The following NPR3 variants were observed in gnomAD, a reference collection of about 807,000 sequenced individuals.
NPR3 encodes natriuretic peptide receptor 3.
A neutral mutation model predicts 54.5 loss-of-function variants in NPR3; 34 were observed. The ratio of observed to expected loss-of-function variants is 0.62; its 90% CI spans 0.47 to 0.83. The LOEUF (loss-of-function observed/expected upper bound fraction) is 0.83, where lower values mean the gene tolerates loss of function less well. Among genes scored for constraint, NPR3 ranks in the 40% least tolerant of loss-of-function variants. NPR3 has a pLI of 0.00. For synonymous variants in NPR3, 289 were observed against 297.1 expected (o/e 0.97, Z 0.28); for missense variants, 674 against 720.8 (o/e 0.94, Z 0.74).
intron 2 of NPR3, among the ~76,000 whole-genome samples, chr5:32,732,859 T>C (rs1739536386): frequency 6.6e-6 from 1 of 152,176 alleles, no homozygotes; most frequent in South Asian, 2.1e-4. Flanking sequence ...ATTTCATTTT[T>C]TTGAGACAGA....
At chr5:32,742,739 G>A (rs865897090) in intron 3 of NPR3, among the ~76,000 whole-genome samples, 12 of 152,078 alleles carry the variant, frequency 7.9e-5, no homozygotes, top group African/African-American at 2.9e-4. Flanking sequence ...TTATTAGACT[G>A]TGGCAGTTCC....
chr5:32,705,974 G>C (rs1737973436), upstream of NPR3, among the ~76,000 whole-genome samples: 1 of 152,206 alleles, frequency 6.6e-6, no homozygotes, highest in South Asian at 2.1e-4. Flanking sequence ...GCATTTATTT[G>C]GAGAATTGTC....
At chr5:32,783,114 C>T (rs572009339) in intron 6 of NPR3, 86 bp downstream of exon 6, 224 of 1,307,550 alleles carry the variant, frequency 1.7e-4, no homozygotes, top group Non-Finnish European at 2.1e-4. Flanking sequence ...GTTTCTAGGG[C>T]CTTACATTTT....
intron 2 of NPR3, among the ~76,000 whole-genome samples, chr5:32,732,026 G>T (rs1014976536): frequency 1.6e-4 from 25 of 151,946 alleles, no homozygotes; most frequent in Non-Finnish European, 1.3e-4. Context: ...TGGATCATGA[G>T]GTCAGGAGAT....
rs540417492 is a variant in NPR3 at position 32,752,029 on chromosome 5, C to T, written c.1059+12999C>T. On this transcript the variant is annotated intron_variant, in intron 3 of 7. Transcript: ENST00000265074. ...CCAGCCTGGCCAACATAGTGAAACC[C>T]CGTCTCTACTAAAAATACAAAAAAG... Among the ~76,000 whole-genome samples the T allele has an allele frequency of 2.2e-3, 331 of 152,024 alleles. 3 individuals carry two copies. Among genetic ancestry groups the T allele is most frequent in the African/African-American group, 7.5e-3 (310 of 41,448 alleles).
chr5:32,783,301 A>G (rs897128323), intron 6 of NPR3: 8 of 311,366 alleles, frequency 2.6e-5, no homozygotes, highest in African/African-American at 1.5e-4. Flanking sequence ...ACTTTTAGAG[A>G]AAATCAAAAT....
chr5:32,726,102 A>G (rs1739124417), intron 2 of NPR3, among the ~76,000 whole-genome samples: 1 of 152,216 alleles, frequency 6.6e-6, no homozygotes, highest in Non-Finnish European at 1.5e-5. Flanking sequence ...CTGGCTGCTC[A>G]GAGCGGAGCA....
At chr5:32,699,646 T>C (rs1740617769) in intron 1 of NPR3, among the ~76,000 whole-genome samples, 2 of 152,264 alleles carry the variant, frequency 1.3e-5, no homozygotes, top group African/African-American at 4.8e-5. Flanking sequence ...GTATTGTGTA[T>C]GTCTTGAAAA....
intron 1 of NPR3, among the ~76,000 whole-genome samples, chr5:32,703,022 G>C (rs1179224699): frequency 1.3e-5 from 2 of 152,144 alleles, no homozygotes; most frequent in Non-Finnish European, 2.9e-5. Context: ...GTGATGGTGA[G>C]CATTTTTTCA....
intron 3 of NPR3, among the ~76,000 whole-genome samples, chr5:32,750,716 C>A (rs1740531589): frequency 6.6e-6 from 1 of 152,032 alleles, no homozygotes; most frequent in Non-Finnish European, 1.5e-5. Flanking sequence ...ATGTTTTGGT[C>A]CAAAATGCCC....
intron 4 of NPR3, among the ~76,000 whole-genome samples, chr5:32,780,244 C>T (rs1403947372): frequency 3.3e-5 from 5 of 152,208 alleles, no homozygotes; most frequent in Admixed American, 3.3e-4. Flanking sequence ...AGCAGGCCTG[C>T]TGCTCTCCTG....
Position 32,785,314 on chromosome 5 carries a change from T to C in NPR3, c.1514+431T>C, listed in dbSNP as rs10054225. ...ACAGGTGCAGACCACCATGGCTGGC[T>C]AATTTTTTGTATGTTTATTAGAGAT... On this transcript the variant is annotated intron_variant, in intron 7 of 7. Transcript: ENST00000265074. Among the ~76,000 whole-genome samples, 262 of 152,108 alleles carry C rather than the reference T, an allele frequency of 1.7e-3. 1 individual carries two copies. The highest frequency in any genetic ancestry group is 5.9e-3 in the African/African-American group (246 of 41,458).
intron 1 of NPR3, chr5:32,713,215 C>G: frequency 3.0e-6 from 3 of 985,448 alleles, no homozygotes; most frequent in Non-Finnish European, 3.6e-6. Context: ...TGTTCTGCAA[C>G]GCAGTTTCTA....
chr5:32,757,555 G>C (rs1401612136), intron 3 of NPR3, among the ~76,000 whole-genome samples: 1 of 152,162 alleles, frequency 6.6e-6, no homozygotes, highest in Non-Finnish European at 1.5e-5. Flanking sequence ...AACAGGGACA[G>C]TTTGACTTCC....
chr5:32,776,679 T>C (rs995934443), intron 4 of NPR3, among the ~76,000 whole-genome samples: 1 of 152,198 alleles, frequency 6.6e-6, no homozygotes, highest in Non-Finnish European at 1.5e-5. Flanking sequence ...CAAATGTTCA[T>C]TGAGCACCTA....
chr5:32,772,357 A>G (rs781363390), intron 3 of NPR3, among the ~76,000 whole-genome samples: 3 of 152,190 alleles, frequency 2.0e-5, no homozygotes, highest in Non-Finnish European at 4.4e-5. Context: ...AAGATTAGAG[A>G]GATTAAGTAA....
intron 1 of NPR3, chr5:32,713,549 C>T (rs1162030245): frequency 2.9e-5 from 25 of 859,666 alleles, no homozygotes; most frequent in Non-Finnish European, 3.4e-5. Flanking sequence ...TCTGCTCCCC[C>T]TTGGCGCTCA....
chr5:32,765,515 T>A (rs1290059087), intron 3 of NPR3, among the ~76,000 whole-genome samples: 1 of 152,134 alleles, frequency 6.6e-6, no homozygotes, highest in Non-Finnish European at 1.5e-5. Context: ...TTAACTCCAG[T>A]GAGTGCAGTT....
At chr5:32,766,953 C>G (rs1335815400) in intron 3 of NPR3, among the ~76,000 whole-genome samples, 2 of 152,196 alleles carry the variant, frequency 1.3e-5, no homozygotes, top group Non-Finnish European at 2.9e-5. Context: ...AGCTTGTTGT[C>G]TTACGTACTG....
Sources: allele counts gnomAD v4.1 joint callset (sites outside exome capture counted in the v4.1 genomes callset), GRCh38; gene constraint gnomAD v4.1.1; transcripts MANE v1.5; gene names NCBI Gene and HGNC (gene_info 2026-07-23, HGNC 2026-07-21).